Variants in COP1 observed in about 807,000 individuals in gnomAD.
The protein encoded by COP1 is E3 ubiquitin-protein ligase COP1.
Under a neutral mutation model 101.3 loss-of-function variants are expected in COP1, and 24 were observed. The ratio of observed to expected loss-of-function variants is 0.24; its 90% CI spans 0.17 to 0.33. The LOEUF (loss-of-function observed/expected upper bound fraction) is 0.33. COP1 is among the 10% of genes least tolerant of loss of function. COP1 has a pLI of 1.00. For synonymous variants in COP1, 347 were observed against 341.9 expected (o/e 1.01, Z -0.17); for missense variants, 663 against 906.2 (o/e 0.73, Z 3.45).
intron 6 of COP1, among the ~76,000 whole-genome samples, chr1:176,143,105 T>C (rs1297467427): frequency 1.7e-5 from 2 of 119,582 alleles, no homozygotes; most frequent in East Asian, 2.2e-4. Flanking sequence ...CTGGCAAGAA[T>C]TGATCCAACA....
At chr1:176,128,477 G>A (rs1414298534) in intron 8 of COP1, among the ~76,000 whole-genome samples, 1 of 151,910 alleles carries the variant, frequency 6.6e-6, no homozygotes, top group African/African-American at 2.4e-5. Context: ...TCCTTGGCAT[G>A]GTTTAGGGTC....
At chr1:175,991,728 T>C (rs187402806) in intron 15 of COP1, among the ~76,000 whole-genome samples, 3 of 152,200 alleles carry the variant, frequency 2.0e-5, no homozygotes, top group Non-Finnish European at 4.4e-5. Context: ...GGAAAAAGCT[T>C]TTTAAACTTT....
Position 176,207,209 on chromosome 1 carries a change from G to T in COP1, c.-231C>A. ...CGGAGTAGAAGGCACTACCGCTGTCGAGGCCGCCGCCGCCACCGCGGTCCC... is the reference window on the plus strand; with the variant it reads ...CGGAGTAGAAGGCACTACCGCTGTCTAGGCCGCCGCCGCCACCGCGGTCCC... On this transcript the variant is annotated 5_prime_UTR_variant, in exon 1 of 20. Coordinates refer to ENST00000367669, the MANE Select transcript of COP1 (RefSeq NM_022457.7). 2 of 403,222 alleles carry T rather than the reference G, an allele frequency of 5.0e-6. No individual in the cohort carries two copies. The highest frequency in any genetic ancestry group is 8.7e-6 in the Non-Finnish European group (2 of 230,224). 25.0% of individuals were successfully genotyped at this position (403,222 alleles called of 1,614,324 possible).
At chr1:175,988,517 C>T in intron 16 of COP1, 105 bp from the exon 17 acceptor site, 5 of 1,118,282 alleles carry the variant, frequency 4.5e-6, no homozygotes, top group Non-Finnish European at 6.3e-6. Context: ...AATGCAGGCT[C>T]TGGAGCCAGA....
At chr1:176,019,975 C>T (rs867049732) in intron 15 of COP1, among the ~76,000 whole-genome samples, 26 of 152,168 alleles carry the variant, frequency 1.7e-4, no homozygotes, top group Middle Eastern at 3.4e-3. Flanking sequence ...ATATGTTGCC[C>T]TAATTCTTCC....
At chr1:176,186,703 AAAG>A (rs1698491121) in intron 1 of COP1, among the ~76,000 whole-genome samples, 2 of 152,222 alleles carry the variant, frequency 1.3e-5, no homozygotes, top group South Asian at 4.1e-4. Context: ...GCTATGCTGA[AAAG>A]AAGACTAAAG....
chr1:176,099,361 T>C (rs1464953504), intron 9 of COP1, among the ~76,000 whole-genome samples: 2 of 152,206 alleles, frequency 1.3e-5, no homozygotes, highest in African/African-American at 4.8e-5. Context: ...CACCAAAAAC[T>C]GAGGTAATCT....
chr1:176,098,136 G>C (rs964509611), intron 9 of COP1, among the ~76,000 whole-genome samples: 4 of 152,066 alleles, frequency 2.6e-5, no homozygotes, highest in Non-Finnish European at 2.9e-5. Context: ...TTTTGAGAAC[G>C]ATCTAACTTG....
chr1:176,060,998 C>T lies in COP1; in HGVS notation c.1278-14674G>A, dbSNP rs191891204. The stretch of plus-strand genomic sequence containing the variant: ...TGGAAATGTAAGGGACTTATACTAG[C>T]CAGTATAACTTTTGAAAAGAGTAAC... On this transcript the variant is annotated intron_variant, in intron 11 of 19. Coordinates refer to ENST00000367669, the MANE Select transcript of COP1 (RefSeq NM_022457.7). Among the ~76,000 whole-genome samples the T allele has an allele frequency of 6.7e-3, 1,013 of 152,230 alleles. 9 individuals carry two copies. Among genetic ancestry groups the T allele is most frequent in the African/African-American group, 0.023 (961 of 41,532 alleles).
chr1:176,201,377 A>C, intron 1 of COP1, among the ~76,000 whole-genome samples: 1 of 152,186 alleles, frequency 6.6e-6, no homozygotes, highest in Non-Finnish European at 1.5e-5. Flanking sequence ...TAAAATAATT[A>C]TATAAAATAT....
intron 15 of COP1, among the ~76,000 whole-genome samples, chr1:176,025,592 T>A (rs535719361): frequency 6.6e-6 from 1 of 151,916 alleles, no homozygotes; most frequent in East Asian, 1.9e-4. Context: ...TGAAATCTCA[T>A]TGAAAGACAG....
At chr1:176,096,557 A>G (rs1014170569) in intron 9 of COP1, among the ~76,000 whole-genome samples, 1 of 152,246 alleles carries the variant, frequency 6.6e-6, no homozygotes, top group Non-Finnish European at 1.5e-5. Context: ...GGTCTGAGCC[A>G]GGGGGAAAGG....
intron 12 of COP1, among the ~76,000 whole-genome samples, chr1:176,045,211 T>G (rs760549683): frequency 3.9e-5 from 6 of 152,134 alleles, no homozygotes; most frequent in Non-Finnish European, 8.8e-5. Flanking sequence ...GACCAAGCAC[T>G]TAGGATAATG....
intron 11 of COP1, among the ~76,000 whole-genome samples, chr1:176,077,790 C>A (rs1468122586): frequency 6.6e-6 from 1 of 152,160 alleles, no homozygotes; most frequent in Non-Finnish European, 1.5e-5. Context: ...AACTGATAGA[C>A]AAATTCAGCA....
At chr1:176,166,025 T>C (rs1394848150) in intron 3 of COP1, among the ~76,000 whole-genome samples, 1 of 152,200 alleles carries the variant, frequency 6.6e-6, no homozygotes, top group Non-Finnish European at 1.5e-5. Flanking sequence ...CCACAAAATC[T>C]TATATACCAT....
At chr1:176,206,506 G>A (rs1700868196) in intron 1 of COP1, 66 bp downstream of exon 1, 2 of 1,301,066 alleles carry the variant, frequency 1.5e-6, no homozygotes, top group East Asian at 2.6e-5. Flanking sequence ...CAGACCCCCC[G>A]CCCCCAAGCC....
chr1:176,199,189 C>T (rs1354739963), intron 1 of COP1, among the ~76,000 whole-genome samples: 1 of 151,956 alleles, frequency 6.6e-6, no homozygotes, highest in East Asian at 1.9e-4. Context: ...TGGTGGCGGG[C>T]GCCTGTAATC....
chr1:176,093,686 A>C (rs1681777023), intron 9 of COP1, among the ~76,000 whole-genome samples: 1 of 152,178 alleles, frequency 6.6e-6, no homozygotes, highest in African/African-American at 2.4e-5. Context: ...AAAAATAAAA[A>C]AAAATTAGCC....
intron 7 of COP1, 46 bp downstream of exon 7, chr1:176,136,442 G>T: frequency 1.5e-6 from 2 of 1,343,328 alleles, no homozygotes; most frequent in Non-Finnish European, 2.1e-6. Context: ...ACAATTTCAT[G>T]AAATTGAAAA....
Sources: allele counts gnomAD v4.1 joint callset (sites outside exome capture counted in the v4.1 genomes callset), GRCh38; gene constraint gnomAD v4.1.1; transcripts MANE v1.5; gene names NCBI Gene and HGNC (gene_info 2026-07-23, HGNC 2026-07-21).